The following MCF2 variants were observed in gnomAD, a reference collection of about 807,000 sequenced individuals.
MCF2 encodes the protein MCF.2 cell line derived transforming sequence.
In MCF2, 44 loss-of-function variants were observed where a neutral mutation model predicts 82.5. The observed-to-expected ratio is 0.53, with a 90% CI of 0.42 to 0.69. The LOEUF (loss-of-function observed/expected upper bound fraction) is 0.69. Ranked by LOEUF, MCF2 falls within the 30% of genes least tolerant of loss-of-function variation. MCF2 has a pLI of 0.00. For synonymous variants in MCF2, 217 were observed against 224.9 expected, an observed-to-expected ratio of 0.96 and a Z score of 0.32; for missense variants, 623 against 663.1, an observed-to-expected ratio of 0.94 and a Z score of 0.66.
At chrX:139,670,202 A>G (rs1644353590) in intron 1 of MCF2, among the ~76,000 whole-genome samples, 2 of 111,935 alleles carry the variant, frequency 1.8e-5, no homozygotes, top group Admixed American at 9.5e-5. Context: ...AAAAATACCA[A>G]AAACATAAGA....
chrX:139,622,273 T>C (rs1176831136), intron 6 of MCF2, among the ~76,000 whole-genome samples: 10 of 111,461 alleles, frequency 9.0e-5, no homozygotes, highest in South Asian at 3.8e-4. Flanking sequence ...CACTTTTACA[T>C]TATTGGTGGG....
chrX:139,606,641 G>A (rs1308942753), intron 12 of MCF2, among the ~76,000 whole-genome samples: 3 of 111,834 alleles, frequency 2.7e-5, no homozygotes, highest in Non-Finnish European at 5.6e-5. Context: ...TTGCAGGCGT[G>A]AATAACCACG....
intron 1 of MCF2, among the ~76,000 whole-genome samples, chrX:139,669,446 A>C (rs2148549640): frequency 8.9e-6 from 1 of 112,594 alleles, no homozygotes; most frequent in Non-Finnish European, 1.9e-5. Flanking sequence ...ATGTTATTAT[A>C]AAATGTAAAA....
At chrX:139,700,642 C>A (rs2148586162) in intron 1 of MCF2, among the ~76,000 whole-genome samples, 1 of 111,873 alleles carries the variant, frequency 8.9e-6, no homozygotes, top group South Asian at 3.8e-4. Context: ...GTTGCTATTT[C>A]AGACCTCTCC....
At chrX:139,663,975 TG>T (rs1311021795) in intron 1 of MCF2, among the ~76,000 whole-genome samples, 1 of 111,124 alleles carries the variant, frequency 9.0e-6, no homozygotes, top group African/African-American at 3.3e-5. Context: ...GTTTGTTTTT[TG>T]GGGTGGCTTT....
intron 10 of MCF2, among the ~76,000 whole-genome samples, chrX:139,613,983 G>A (rs962351609): frequency 9.1e-6 from 1 of 109,726 alleles, no homozygotes; most frequent in East Asian, 2.9e-4. Flanking sequence ...CATTATCCTT[G>A]GCTCAAGCCT....
At chrX:139,598,264 T>C in intron 17 of MCF2, 142 bp downstream of exon 21, 1 of 419,220 alleles carries the variant, frequency 2.4e-6, no homozygotes, top group Non-Finnish European at 4.1e-6. Context: ...TGGAGCACAC[T>C]GCAAAATTCT....
chrX:139,591,614 T>C (rs187267729), intron 19 of MCF2, among the ~76,000 whole-genome samples: 8 of 110,754 alleles, frequency 7.2e-5, no homozygotes, highest in African/African-American at 2.6e-4. Context: ...ATATAACATA[T>C]AAATAATTAG....
intron 1 of MCF2, among the ~76,000 whole-genome samples, chrX:139,680,192 T>C (rs1252183036): frequency 9.0e-6 from 1 of 111,644 alleles, no homozygotes; most frequent in East Asian, 2.8e-4. Flanking sequence ...GGTGCAATCA[T>C]AGCTTCATGC....
chrX:139,615,074 T>C (rs770142454), intron 9 of MCF2, 22 bp from the exon 13 acceptor site: 2 of 1,150,646 alleles, frequency 1.7e-6, no homozygotes, highest in Non-Finnish European at 2.4e-6. Flanking sequence ...ATAAGAATTA[T>C]AGGAAATATT....
chrX:139,649,534 T>C (rs1047303696), intron 2 of MCF2, among the ~76,000 whole-genome samples: 5 of 111,918 alleles, frequency 4.5e-5, no homozygotes, highest in Non-Finnish European at 9.4e-5. Context: ...TTAGGCAAAC[T>C]ACACTTATCA....
intron 1 of MCF2, among the ~76,000 whole-genome samples, chrX:139,658,720 G>A (rs1315434512): frequency 1.0e-5 from 1 of 96,647 alleles, no homozygotes; most frequent in African/African-American, 4.1e-5. Context: ...TGTTGCCCAG[G>A]CTGGAGTGCA....
At chrX:139,675,610 T>C (rs1002166247) in intron 1 of MCF2, among the ~76,000 whole-genome samples, 1 of 112,507 alleles carries the variant, frequency 8.9e-6, no homozygotes, top group Non-Finnish European at 1.9e-5. Flanking sequence ...CAGACTCTGT[T>C]TGCCTGGGTA....
At position 139,672,298 on chromosome X, in the gene MCF2, C is replaced by T. The variant is rs957398464; in HGVS notation, c.-44-20510G>A. On this transcript the variant is annotated intron_variant, in intron 1 of 27. Coordinates refer to the MCF2 transcript ENST00000414978. Reference sequence around the variant, plus strand: ...GGCTTCTTCTTTTCCTAACTGAATACGCTTTATTTCTTTCTCTTGCCTGAT... The same window carrying T: ...GGCTTCTTCTTTTCCTAACTGAATATGCTTTATTTCTTTCTCTTGCCTGAT... 5.3e-5 allele frequency among the ~76,000 whole-genome samples: 6 copies of T among 112,365 alleles called. No individual in the cohort carries two copies. In the East Asian group the frequency reaches 8.4e-4, roughly 16 times the overall value.
chrX:139,632,420 A>G (rs1391367829), exon 2 of MCF2: 2 of 1,202,584 alleles, frequency 1.7e-6, no homozygotes, highest in Non-Finnish European at 2.2e-6. Flanking sequence ...AGGACGTAAA[A>G]CCAAAACCAA....
rs1163784370 is a variant in MCF2, at chrX:139,602,390, T to C, written c.1836+16A>G. ...TTCCAGAAAGAATATATCCAATACT[T>C]GAATAATTACTGTACCTGGAAAAAT... On this transcript the variant is annotated intron_variant, in intron 16 of 24. Coordinates refer to ENST00000370576, the Ensembl canonical transcript of MCF2. 1.8e-6 allele frequency: 2 copies of C among 1,107,248 alleles called. No individual in the cohort carries two copies. Among genetic ancestry groups the C allele is most frequent in the Non-Finnish European group, 2.5e-6 (2 of 803,670 alleles). The allele number at this position is 1,107,248 out of a possible 1,213,427, so 91.2% of individuals were successfully genotyped here. A position where few individuals can be genotyped will look rare whatever the true frequency, so the allele number is the denominator to read the frequency against.
rs17340169 is a variant in MCF2, at chrX:139,642,759, A to G, written c.-241T>C. On this transcript the variant is annotated 5_prime_UTR_variant, in exon 1 of 25. Transcript: ENST00000370576. ...CTTCTGCTCCTTGTAATTCAGAGTTAACACATTCCTCCAATTACTTAGCCT... is the reference window on the plus strand; with the variant it reads ...CTTCTGCTCCTTGTAATTCAGAGTTGACACATTCCTCCAATTACTTAGCCT... The G allele has an allele frequency of 3.4e-3, 3,557 of 1,044,234 alleles. 85 individuals carry two copies. The East Asian group carries it at 0.066, about 19-fold the overall frequency. The allele number at this position is 1,044,234 out of a possible 1,213,427, so 86.1% of individuals were successfully genotyped here.
chrX:139,706,007 C>T (rs894025021), intron 1 of MCF2, among the ~76,000 whole-genome samples: 3 of 112,456 alleles, frequency 2.7e-5, no homozygotes, highest in African/African-American at 9.7e-5. Context: ...ATCAAAACCA[C>T]AATGAGATAC....
chrX:139,614,963 C>T, exon 10 of MCF2: 1 of 1,209,622 alleles, frequency 8.3e-7, no homozygotes, highest in Admixed American at 2.2e-5. Flanking sequence ...GCCTCACATG[C>T]TTATCTGCCA....
Sources: gnomAD v4.1 joint callset for allele counts (sites outside exome capture counted in the v4.1 genomes callset) on GRCh38, gnomAD v4.1.1 for gene constraint, MANE v1.5 for transcripts, NCBI Gene and HGNC (gene_info 2026-07-23, HGNC 2026-07-21) for gene names.